LPA: variants seen among roughly 807,000 people sequenced by gnomAD.
LPA encodes the protein lipoprotein(a).
Under a neutral mutation model 197.9 loss-of-function variants are expected in LPA, and 199 were observed. That is an observed-to-expected ratio of 1.01 (90% CI 0.90 to 1.13). The LOEUF (loss-of-function observed/expected upper bound fraction) is 1.13, where lower values mean the gene tolerates loss of function less well. LPA is among the 50% of genes most tolerant of loss of function. The probability of loss-of-function intolerance (pLI) is 0.00; values close to 1 mark genes in which losing one functional copy is unlikely to be tolerated. For missense variants in LPA, 1,853 were observed against 1,785.8 expected (o/e 1.04, Z -0.68); for synonymous variants, 715 against 639.5 (o/e 1.12, Z -1.78).
chr6:160,535,907 G>A (rs939318883), intron 37 of LPA, among the ~76,000 whole-genome samples: 1 of 152,176 alleles, frequency 6.6e-6, no homozygotes, highest in Non-Finnish European at 1.5e-5. Context: ...GTATCATAGA[G>A]GCTCTGTTTG....
At chr6:160,609,375 T>C (rs1779431166) in intron 16 of LPA, among the ~76,000 whole-genome samples, 1 of 152,126 alleles carries the variant, frequency 6.6e-6, no homozygotes, top group South Asian at 2.1e-4. Flanking sequence ...GCTTCCAGTG[T>C]TTCTGAGGTG....
intron 34 of LPA, among the ~76,000 whole-genome samples, chr6:160,541,825 G>T (rs755494772): frequency 6.6e-6 from 1 of 152,182 alleles, no homozygotes; most frequent in Non-Finnish European, 1.5e-5. Flanking sequence ...GTTTAGGAAA[G>T]AATGAATCTG....
chr6:160,611,490 T>A lies in LPA; in HGVS notation c.2603+72A>T, dbSNP rs1243396517. 55 of 1,590,182 alleles carry A rather than the reference T, an allele frequency of 3.5e-5. 1 individual carries two copies. Among genetic ancestry groups the A allele is most frequent in the Admixed American group, 5.0e-5 (3 of 59,968 alleles). On this transcript the variant is annotated intron_variant, in intron 16 of 38. Coordinates refer to ENST00000316300, the MANE Select transcript of LPA (RefSeq NM_005577.4). Reference sequence around the variant, plus strand: ...ACAAGTTGAGTTCGGAGAACTCAGCTTGAAGCATGTCTCTTGTCACAGAAA... The same window carrying A: ...ACAAGTTGAGTTCGGAGAACTCAGCATGAAGCATGTCTCTTGTCACAGAAA...
At chr6:160,569,915 C>T (rs1460727227) in intron 28 of LPA, among the ~76,000 whole-genome samples, 2 of 151,968 alleles carry the variant, frequency 1.3e-5, no homozygotes, top group African/African-American at 4.8e-5. Flanking sequence ...CAGAGAAATG[C>T]AAATCAAAAC....
intron 16 of LPA, among the ~76,000 whole-genome samples, chr6:160,608,806 T>C (rs1357676606): frequency 7.2e-6 from 1 of 139,248 alleles, no homozygotes; most frequent in Non-Finnish European, 1.5e-5. Flanking sequence ...TCTATTTCAC[T>C]ATTTCTTGAG....
rs112113673 is a variant in LPA at position 160,556,208 on chromosome 6, G to C, written c.4814-24C>G. On this transcript the variant is annotated intron_variant, in intron 29 of 38. Coordinates refer to ENST00000316300, the MANE Select transcript of LPA (RefSeq NM_005577.4). ...TGCTGAAAATAGACAAAATCAAGCTGAGTAACTACTAGTATGCAGAAACAT... is the reference window on the plus strand; with the variant it reads ...TGCTGAAAATAGACAAAATCAAGCTCAGTAACTACTAGTATGCAGAAACAT... 44 of 1,612,674 alleles carry C rather than the reference G, an allele frequency of 2.7e-5. No homozygotes were observed. In the African/African-American group the frequency reaches 5.5e-4, roughly 20 times the overall value.
intron 24 of LPA, among the ~76,000 whole-genome samples, chr6:160,588,810 C>T (rs529325689): frequency 3.3e-5 from 5 of 152,290 alleles, no homozygotes; most frequent in African/African-American, 7.2e-5. Context: ...GGAAGGAAGA[C>T]AGGTTAATGA....
intron 28 of LPA, among the ~76,000 whole-genome samples, chr6:160,559,914 A>G (rs1778333241): frequency 6.6e-6 from 1 of 152,078 alleles, no homozygotes; most frequent in Non-Finnish European, 1.5e-5. Flanking sequence ...TACATTAGGT[A>G]TTTCTCCTAA....
At chr6:160,595,646 T>C (rs1779118543) in intron 20 of LPA, 111 bp from the exon 21 acceptor site, 1 of 1,497,832 alleles carries the variant, frequency 6.7e-7, no homozygotes, top group East Asian at 2.3e-5. Context: ...TTGAAATATT[T>C]TCACTAAAGG....
chr6:160,532,612 G>C lies in LPA; in HGVS notation c.5880C>G (p.Leu1960=). 1 of 1,613,236 alleles carries C rather than the reference G, an allele frequency of 6.2e-7. No individual in the cohort carries two copies. Among genetic ancestry groups the C allele is most frequent in the Non-Finnish European group, 8.5e-7 (1 of 1,179,346 alleles). The change falls in exon 38 of 39, where the codon CTC becomes CTG. Residue 1960 remains leucine, a synonymous_variant. Coordinates refer to ENST00000316300, the MANE Select transcript of LPA (RefSeq NM_005577.4). ...TGCACACTTCATTCTCAATAACAAGGAGCTGGGCTTCCTTGAGAAGGCCAG... is the reference window on the plus strand; with the variant it reads ...TGCACACTTCATTCTCAATAACAAGCAGCTGGGCTTCCTTGAGAAGGCCAG... ...FGTGLLKEAQ[L]LVIENEVCNH... is the part of the protein sequence containing the mutation.
chr6:160,560,463 G>A (rs1198824292), intron 28 of LPA, among the ~76,000 whole-genome samples: 2 of 152,132 alleles, frequency 1.3e-5, no homozygotes, highest in Non-Finnish European at 2.9e-5. Flanking sequence ...GTTGTTTCCT[G>A]ACTTTTTAAT....
chr6:160,545,943 T>A (rs1778062999), intron 32 of LPA, among the ~76,000 whole-genome samples: 1 of 152,172 alleles, frequency 6.6e-6, no homozygotes, highest in Admixed American at 6.5e-5. Context: ...CTTCCATGCA[T>A]TATGCACCAT....
At chr6:160,603,948 A>C (rs1779293365) in intron 18 of LPA, among the ~76,000 whole-genome samples, 1 of 152,200 alleles carries the variant, frequency 6.6e-6, no homozygotes, top group African/African-American at 2.4e-5. Flanking sequence ...TCAGAACTCC[A>C]GTATCCCAGA....
intron 28 of LPA, among the ~76,000 whole-genome samples, chr6:160,561,621 CT>C (rs1778363873): frequency 3.3e-5 from 5 of 152,122 alleles, no homozygotes; most frequent in African/African-American, 1.2e-4. Flanking sequence ...TCAATGGTAG[CT>C]TGATGGGGAT....
chr6:160,610,688 T>C (rs1033297649), intron 16 of LPA, among the ~76,000 whole-genome samples: 1 of 152,064 alleles, frequency 6.6e-6, no homozygotes, highest in Non-Finnish European at 1.5e-5. Flanking sequence ...ACCTAGAAAA[T>C]ACCAGAGTCA....
chr6:160,542,401 G>A (rs1274025492), intron 34 of LPA, among the ~76,000 whole-genome samples: 1 of 152,116 alleles, frequency 6.6e-6, no homozygotes, highest in Admixed American at 6.6e-5. Flanking sequence ...AACCCTCAGA[G>A]CATCTTCAAT....
intron 30 of LPA, among the ~76,000 whole-genome samples, chr6:160,552,038 G>A (rs544951194): frequency 7.3e-5 from 11 of 150,846 alleles, no homozygotes; most frequent in African/African-American, 2.2e-4. Flanking sequence ...TCAGCATTCC[G>A]AGTAGCTGAA....
intron 23 of LPA, among the ~76,000 whole-genome samples, chr6:160,590,164 G>A (rs973035265): frequency 2.0e-5 from 3 of 152,148 alleles, no homozygotes; most frequent in Non-Finnish European, 4.4e-5. Flanking sequence ...GGAAGATGGG[G>A]CAGGAAGTGG....
chr6:160,663,444 A>G (rs551525037), intron 1 of LPA, among the ~76,000 whole-genome samples: 1 of 152,320 alleles, frequency 6.6e-6, no homozygotes, highest in Admixed American at 6.5e-5. Context: ...AATGGGGATG[A>G]CTATGCTACC....
Sources: allele counts gnomAD v4.1 joint callset (sites outside exome capture counted in the v4.1 genomes callset), GRCh38; gene constraint gnomAD v4.1.1; transcripts MANE v1.5; gene names NCBI Gene and HGNC (gene_info 2026-07-23, HGNC 2026-07-21).